Variants in SLC35F3 observed in about 807,000 individuals in gnomAD.
SLC35F3 encodes the protein solute carrier family 35 member F3, also known as putative thiamine transporter SLC35F3.
Under a neutral mutation model 49.9 loss-of-function variants are expected in SLC35F3, and 25 were observed. That is an observed-to-expected ratio of 0.50 (90% CI 0.37 to 0.70). The LOEUF is 0.70. SLC35F3 is among the 30% of genes least tolerant of loss of function. SLC35F3 has a pLI of 0.00. For synonymous variants in SLC35F3, 275 were observed against 265.4 expected (o/e 1.04, Z -0.35); for missense variants, 525 against 639.8 (o/e 0.82, Z 1.94).
intron 3 of SLC35F3, among the ~76,000 whole-genome samples, chr1:234,297,280 T>A (rs1668618430): frequency 4.6e-5 from 7 of 152,148 alleles, no homozygotes. Flanking sequence ...TACCATATGA[T>A]CCAGAAATCC....
intron 2 of SLC35F3, among the ~76,000 whole-genome samples, chr1:234,077,976 AC>A (rs1297435289): frequency 6.6e-6 from 1 of 152,092 alleles, no homozygotes; most frequent in African/African-American, 2.4e-5. Flanking sequence ...TCAGCTCTCC[AC>A]CACTGAGTCT....
chr1:234,270,885 AG>A (rs1668088371), intron 3 of SLC35F3, among the ~76,000 whole-genome samples: 1 of 152,240 alleles, frequency 6.6e-6, no homozygotes, highest in Non-Finnish European at 1.5e-5. Flanking sequence ...GATGCTGCTC[AG>A]AAGTTGTCCT....
chr1:234,263,833 A>G (rs626521), intron 3 of SLC35F3, among the ~76,000 whole-genome samples: 46,131 of 152,118 alleles, frequency 0.3, 7,421 homozygotes, highest in African/African-American at 0.39. Context: ...ATGCTGGCCC[A>G]GCATGGTGGC....
At chr1:234,008,247 G>T (rs1388813463) in intron 2 of SLC35F3, among the ~76,000 whole-genome samples, 4 of 152,188 alleles carry the variant, frequency 2.6e-5, no homozygotes, top group Admixed American at 2.0e-4. Flanking sequence ...ATGATTGCTG[G>T]TATTGAATTC....
intron 5 of SLC35F3, among the ~76,000 whole-genome samples, chr1:234,317,850 A>G (rs1407817666): frequency 6.6e-6 from 1 of 152,240 alleles, no homozygotes; most frequent in African/African-American, 2.4e-5. Context: ...GAAGCAAAAA[A>G]CAGGGAGAAA....
chr1:234,144,412 C>T (rs1405254578), intron 2 of SLC35F3, among the ~76,000 whole-genome samples: 1 of 152,156 alleles, frequency 6.6e-6, no homozygotes, highest in African/African-American at 2.4e-5. Context: ...TTCATGACTT[C>T]TCATGATGGA....
intron 2 of SLC35F3, among the ~76,000 whole-genome samples, chr1:234,208,461 A>G (rs374559876): frequency 6.6e-6 from 1 of 152,144 alleles, no homozygotes; most frequent in Non-Finnish European, 1.5e-5. Context: ...TGGGCCCAAC[A>G]TAGCTACCCT....
chr1:234,127,812 G>A (rs146528451), intron 2 of SLC35F3, among the ~76,000 whole-genome samples: 44 of 152,272 alleles, frequency 2.9e-4, no homozygotes, highest in African/African-American at 1.0e-3. Context: ...AGCATAAATT[G>A]GGGAAGATTA....
intron 2 of SLC35F3, among the ~76,000 whole-genome samples, chr1:234,015,126 A>G (rs1663781609): frequency 6.6e-6 from 1 of 152,086 alleles, no homozygotes; most frequent in South Asian, 2.1e-4. Context: ...CGGGTGCATC[A>G]CTTCAGGTCA....
At chr1:234,097,893 G>T (rs1280083915) in intron 2 of SLC35F3, among the ~76,000 whole-genome samples, 1 of 152,246 alleles carries the variant, frequency 6.6e-6, no homozygotes, top group African/African-American at 2.4e-5. Flanking sequence ...CAAGACACTT[G>T]CCAAGTGAAG....
At chr1:234,059,237 G>A (rs1396626420) in intron 2 of SLC35F3, among the ~76,000 whole-genome samples, 1 of 151,134 alleles carries the variant, frequency 6.6e-6, no homozygotes, top group Non-Finnish European at 1.5e-5. Flanking sequence ...TTTTCTCGGT[G>A]TCTTATGGTA....
intron 2 of SLC35F3, among the ~76,000 whole-genome samples, chr1:234,121,359 C>G (rs1190278270): frequency 6.6e-6 from 1 of 151,696 alleles, no homozygotes; most frequent in Non-Finnish European, 1.5e-5. Context: ...AGGATGGTCT[C>G]GATCTCCTGA....
intron 2 of SLC35F3, among the ~76,000 whole-genome samples, chr1:233,970,738 A>G (rs534811505): frequency 2.0e-5 from 3 of 152,326 alleles, no homozygotes; most frequent in Non-Finnish European, 4.4e-5. Flanking sequence ...GAAGAGACAG[A>G]GAGAAGACGG....
intron 2 of SLC35F3, among the ~76,000 whole-genome samples, chr1:233,948,352 G>A (rs1662550193): frequency 6.6e-6 from 1 of 151,780 alleles, no homozygotes; most frequent in Non-Finnish European, 1.5e-5. Context: ...TCTTCCTCCA[G>A]CCCCATCTTT....
At chr1:234,118,113 T>C in intron 2 of SLC35F3, among the ~76,000 whole-genome samples, 1 of 152,038 alleles carries the variant, frequency 6.6e-6, no homozygotes, top group South Asian at 2.1e-4. Flanking sequence ...TGTGCTTTGT[T>C]TTATTTTTAA....
chr1:234,102,142 T>C (rs1665223971), intron 2 of SLC35F3, among the ~76,000 whole-genome samples: 1 of 152,174 alleles, frequency 6.6e-6, no homozygotes, highest in Admixed American at 6.5e-5. Flanking sequence ...TTTCCCCCTT[T>C]CCATGTGGAG....
At chr1:234,303,973 A>G (rs1400252135) in intron 3 of SLC35F3, among the ~76,000 whole-genome samples, 1 of 149,804 alleles carries the variant, frequency 6.7e-6, no homozygotes, top group African/African-American at 2.5e-5. Flanking sequence ...TTGATATTAG[A>G]CTTTCTGGTT....
intron 2 of SLC35F3, among the ~76,000 whole-genome samples, chr1:233,961,831 G>A (rs1413136763): frequency 3.9e-5 from 6 of 152,276 alleles, no homozygotes; most frequent in Middle Eastern, 3.4e-3. Flanking sequence ...ATGGAAAATA[G>A]GTGCATTTCA....
At chr1:233,934,994 C>T (rs1662300670) in intron 2 of SLC35F3, among the ~76,000 whole-genome samples, 1 of 151,434 alleles carries the variant, frequency 6.6e-6, no homozygotes, top group African/African-American at 2.4e-5. Context: ...TATCCCTTTG[C>T]AAGAGCTGAC....
Sources: gnomAD v4.1 joint callset for allele counts (sites outside exome capture counted in the v4.1 genomes callset) on GRCh38, gnomAD v4.1.1 for gene constraint, MANE v1.5 for transcripts, NCBI Gene and HGNC (gene_info 2026-07-23, HGNC 2026-07-21) for gene names.